Variants in GLI2 observed in about 807,000 individuals in gnomAD.
The protein encoded by GLI2 is transcription activator GLI2.
GLI2 carries 22 observed loss-of-function variants against 78.9 expected under a neutral mutation model. The observed-to-expected ratio is 0.28, with a 90% CI of 0.20 to 0.40. The LOEUF (loss-of-function observed/expected upper bound fraction) is 0.40. Among genes scored for constraint, GLI2 ranks in the 10% least tolerant of loss-of-function variants. The pLI, the probability that GLI2 is intolerant of heterozygous loss-of-function variation, is 1.00. For missense variants in GLI2, 2,097 were observed against 2,213.2 expected (o/e 0.95, Z 1.05); for synonymous variants, 974 against 963.7 (o/e 1.01, Z -0.20).
chr2:120,950,859 T>G (rs1180469685), intron 3 of GLI2, among the ~76,000 whole-genome samples: 1 of 152,206 alleles, frequency 6.6e-6, no homozygotes, highest in Non-Finnish European at 1.5e-5. Flanking sequence ...TTCGTTTTCA[T>G]ACATGTTTCT....
At chr2:120,926,619 AT>A (rs1364936087) in intron 2 of GLI2, among the ~76,000 whole-genome samples, 3 of 152,060 alleles carry the variant, frequency 2.0e-5, no homozygotes, top group Non-Finnish European at 2.9e-5. Flanking sequence ...GTACCCAGGA[AT>A]TTTTTCTTTT....
At chr2:120,899,653 G>T (rs1029782162) in intron 2 of GLI2, among the ~76,000 whole-genome samples, 1 of 152,230 alleles carries the variant, frequency 6.6e-6, no homozygotes, top group African/African-American at 2.4e-5. Flanking sequence ...GTTCAGCCCT[G>T]TCTGGGACCT....
chr2:120,781,768 G>T (rs1683856974), intron 1 of GLI2, among the ~76,000 whole-genome samples: 1 of 151,986 alleles, frequency 6.6e-6, no homozygotes, highest in East Asian at 1.9e-4. Flanking sequence ...CTGTAGTCCT[G>T]GCTACTCGGG....
intron 1 of GLI2, among the ~76,000 whole-genome samples, chr2:120,742,091 G>A (rs1682565153): frequency 6.6e-6 from 1 of 152,218 alleles, no homozygotes; most frequent in African/African-American, 2.4e-5. Context: ...AGCACTCCAC[G>A]GGAGCCGGGA....
rs533447170 is a variant in GLI2 at position 120,847,592 on chromosome 2, G to A, written c.148+50124G>A. On this transcript the variant is annotated intron_variant, in intron 2 of 13. Coordinates refer to ENST00000361492, the MANE Select transcript of GLI2 (RefSeq NM_001374353.1). ...AATGGCTGTTTCTGGGCCTGCCACCGCCTAGAACTTGGATTGGGGGGTTGG... is the reference window on the plus strand; with the variant it reads ...AATGGCTGTTTCTGGGCCTGCCACCACCTAGAACTTGGATTGGGGGGTTGG... Among the ~76,000 whole-genome samples, 56 of 151,694 alleles carry A rather than the reference G, an allele frequency of 3.7e-4. No individual in the cohort carries two copies. In the South Asian group the frequency reaches 0.011, roughly 30 times the overall value.
chr2:120,971,911 T>C (rs1553475153), intron 7 of GLI2, 30 bp from the exon 8 acceptor site: 4 of 1,611,552 alleles, frequency 2.5e-6, no homozygotes, highest in Non-Finnish European at 3.4e-6. Context: ...TGCCCCTGAG[T>C]AACAGACTGT....
chr2:120,806,533 G>GA, intron 2 of GLI2, among the ~76,000 whole-genome samples: 1 of 152,164 alleles, frequency 6.6e-6, no homozygotes, highest in South Asian at 2.1e-4. Context: ...GGAGGAGGAG[G>GA]GGCAGAGTGG....
At chr2:120,872,668 C>T (rs968841274) in intron 2 of GLI2, among the ~76,000 whole-genome samples, 2 of 152,220 alleles carry the variant, frequency 1.3e-5, no homozygotes, top group African/African-American at 2.4e-5. Context: ...GTCCAGGTGT[C>T]GTCACCTGCT....
intron 1 of GLI2, among the ~76,000 whole-genome samples, chr2:120,762,635 G>C (rs1466454065): frequency 1.3e-5 from 2 of 152,230 alleles, no homozygotes; most frequent in African/African-American, 4.8e-5. Flanking sequence ...TCCCTGAGAA[G>C]GTCACAGGCC....
At chr2:120,887,010 G>A (rs909079703) in intron 2 of GLI2, among the ~76,000 whole-genome samples, 2 of 152,194 alleles carry the variant, frequency 1.3e-5, no homozygotes, top group East Asian at 1.9e-4. Flanking sequence ...AACACATGGT[G>A]AAAATACTCA....
chr2:120,882,551 C>T (rs768455747), intron 2 of GLI2, among the ~76,000 whole-genome samples: 15 of 152,242 alleles, frequency 9.9e-5, no homozygotes, highest in African/African-American at 3.4e-4. Flanking sequence ...GGCTGCAACG[C>T]GAAGCCGACA....
intron 3 of GLI2, among the ~76,000 whole-genome samples, chr2:120,946,949 A>G (rs936365987): frequency 1.3e-5 from 2 of 152,198 alleles, no homozygotes; most frequent in Non-Finnish European, 2.9e-5. Context: ...CAAAATGACC[A>G]TCTCTGGGAA....
At chr2:120,960,482 A>G (rs1204009292) in intron 5 of GLI2, among the ~76,000 whole-genome samples, 1 of 152,188 alleles carries the variant, frequency 6.6e-6, no homozygotes, top group East Asian at 1.9e-4. Flanking sequence ...TTTTTACCTT[A>G]GCTGAGTGCC....
At chr2:120,927,226 C>T (rs1006850816) in intron 2 of GLI2, 135 bp from the exon 3 acceptor site, 60 of 760,090 alleles carry the variant, frequency 7.9e-5, no homozygotes, top group East Asian at 1.2e-4. Flanking sequence ...GGTGTGTGAT[C>T]GCGCGGGCAC....
chr2:120,903,884 C>T (rs145807116), intron 2 of GLI2, among the ~76,000 whole-genome samples: 286 of 152,230 alleles, frequency 1.9e-3, no homozygotes, highest in African/African-American at 6.0e-3. Context: ...ACTTATGAAG[C>T]GGGCGGGTGA....
At chr2:120,894,696 T>C (rs1478511555) in intron 2 of GLI2, among the ~76,000 whole-genome samples, 2 of 110,566 alleles carry the variant, frequency 1.8e-5, no homozygotes, top group East Asian at 2.3e-4. Flanking sequence ...GGTTTTCTTT[T>C]CTTTCTTTTT....
chr2:120,870,735 C>T (rs893976823), intron 2 of GLI2, among the ~76,000 whole-genome samples: 5 of 152,132 alleles, frequency 3.3e-5, no homozygotes, highest in African/African-American at 1.2e-4. Flanking sequence ...ACTGTGGTTG[C>T]TGTCATCATA....
intron 1 of GLI2, among the ~76,000 whole-genome samples, chr2:120,773,672 G>A (rs1683589498): frequency 6.6e-6 from 1 of 152,170 alleles, no homozygotes; most frequent in African/African-American, 2.4e-5. Context: ...TGTGGGGTGA[G>A]GGAAGTGATT....
chr2:120,850,850 A>C (rs1243743380), intron 2 of GLI2, among the ~76,000 whole-genome samples: 2 of 152,232 alleles, frequency 1.3e-5, no homozygotes, highest in African/African-American at 4.8e-5. Flanking sequence ...CCTCTGTATA[A>C]ATAACCAATA....
Sources: gnomAD v4.1 joint callset for allele counts (sites outside exome capture counted in the v4.1 genomes callset) on GRCh38, gnomAD v4.1.1 for gene constraint, MANE v1.5 for transcripts, NCBI Gene and HGNC (gene_info 2026-07-23, HGNC 2026-07-21) for gene names.